The following TNKS variants were observed in gnomAD, a reference collection of about 807,000 sequenced individuals.
The protein encoded by TNKS is poly [ADP-ribose] polymerase tankyrase-1.
A neutral mutation model predicts 135.8 loss-of-function variants in TNKS; 72 were observed. That is an observed-to-expected ratio of 0.53 (90% confidence interval 0.44 to 0.64). TNKS has a LOEUF of 0.64. Ranked by LOEUF, TNKS falls within the 30% of genes least tolerant of loss-of-function variation. TNKS has a pLI of 0.00. For synonymous variants in TNKS, 849 were observed against 649.3 expected, an observed-to-expected ratio of 1.31 and a Z score of -4.68; for missense variants, 1,769 against 1,674.0, an observed-to-expected ratio of 1.06 and a Z score of -0.99.
In TNKS at chr8:9,626,961, A is replaced by G. The variant is rs185429977; in HGVS notation, c.994+11284A>G. Among the ~76,000 whole-genome samples the G allele has an allele frequency of 2.0e-5, 3 of 152,318 alleles. No individual in the cohort carries two copies. In the East Asian group the frequency reaches 5.8e-4, roughly 29 times the overall value. ...TACTGATGCCTGGCAGTCTCCAGGTAGCTTCAGGATGGAGGCTGGTCATTG... is the reference window on the plus strand; with the variant it reads ...TACTGATGCCTGGCAGTCTCCAGGTGGCTTCAGGATGGAGGCTGGTCATTG... On this transcript the variant is annotated intron_variant, in intron 3 of 26. Transcript: ENST00000310430.
intron 11 of TNKS, among the ~76,000 whole-genome samples, chr8:9,717,337 C>A (rs1804664833): frequency 6.6e-6 from 1 of 151,522 alleles, no homozygotes; most frequent in Non-Finnish European, 1.5e-5. Flanking sequence ...ACTATGCATA[C>A]CACCAAGGAT....
chr8:9,573,578 T>C (rs1373396457), intron 1 of TNKS, among the ~76,000 whole-genome samples: 1 of 152,224 alleles, frequency 6.6e-6, no homozygotes, highest in Non-Finnish European at 1.5e-5. Context: ...CATAGATGTA[T>C]ATGAGAGAGT....
At chr8:9,588,790 G>T (rs11787063) in intron 2 of TNKS, among the ~76,000 whole-genome samples, 27,647 of 152,164 alleles carry the variant, frequency 0.18, 3,327 homozygotes, top group Non-Finnish European at 0.27. Flanking sequence ...TGTGTGAAGT[G>T]CTTTCAGACT....
intron 5 of TNKS, among the ~76,000 whole-genome samples, chr8:9,701,562 AG>A (rs1282627946): frequency 1.3e-5 from 2 of 152,238 alleles, no homozygotes; most frequent in Non-Finnish European, 2.9e-5. Flanking sequence ...ATAGAATAAG[AG>A]GGACTAGATT....
At chr8:9,760,950 A>G (rs1039195839) in intron 20 of TNKS, among the ~76,000 whole-genome samples, 13 of 152,240 alleles carry the variant, frequency 8.5e-5, no homozygotes, top group African/African-American at 3.1e-4. Context: ...TCTTTAAAAC[A>G]GTTTGTAATC....
At chr8:9,733,136 T>TA (rs1805525460) in intron 14 of TNKS, 143 bp from the exon 15 acceptor site, 4 of 585,674 alleles carry the variant, frequency 6.8e-6, no homozygotes, top group Non-Finnish European at 1.1e-5. Context: ...AACTATATCT[T>TA]AAAGAACAGA....
At chr8:9,716,696 G>A (rs955378743) in intron 11 of TNKS, among the ~76,000 whole-genome samples, 1 of 151,716 alleles carries the variant, frequency 6.6e-6, no homozygotes, top group Non-Finnish European at 1.5e-5. Context: ...CTGTGTCTCC[G>A]TCGCTCCCTG....
chr8:9,758,188 T>G (rs867203398), intron 20 of TNKS, among the ~76,000 whole-genome samples: 3 of 152,232 alleles, frequency 2.0e-5, no homozygotes, highest in Non-Finnish European at 4.4e-5. Flanking sequence ...TGCTCGGAAC[T>G]GTGCTTGTTA....
At chr8:9,635,450 A>G (rs1375342990) in intron 3 of TNKS, among the ~76,000 whole-genome samples, 1 of 152,188 alleles carries the variant, frequency 6.6e-6, no homozygotes, top group African/African-American at 2.4e-5. Context: ...ACCATTTGCA[A>G]CCATGATAGT....
Position 9,706,831 on chromosome 8 carries a change from C to A in TNKS, c.1290C>A (p.Ala430=), listed in dbSNP as rs1391031839. Residue 430 remains alanine (A), a synonymous_variant, in exon 8 of 27, where the codon GCC becomes GCA. Transcript: ENST00000310430. ...TTCAGCATGGAGCTTGTGTTAATGC[C>A]ATGGATCTCTGGCAGTTTACTCCAC... The part of the protein sequence containing the change: ...LLLKHGACVN[A]MDLWQFTPLH... The A allele has an allele frequency of 6.2e-7, 1 of 1,611,408 alleles. No homozygotes were observed. Among genetic ancestry groups the A allele is most frequent in the Non-Finnish European group, 8.5e-7 (1 of 1,179,236 alleles).
Position 9,765,813 on chromosome 8 carries a change from GGGAC to G in TNKS, c.3553+19_3553+22del, listed in dbSNP as rs1442178237. On this transcript the variant is annotated intron_variant, in intron 24 of 26. Transcript: ENST00000310430. Reference sequence around the variant, plus strand: ...TTGTTTCATGGTAAGCAGCGTGGCAGGGACGGTGGACGTCTCCCTGGGCCTTTGC... The same window carrying G: ...TTGTTTCATGGTAAGCAGCGTGGCAGGGTGGACGTCTCCCTGGGCCTTTGC... 1.2e-6 allele frequency: 2 copies of G among 1,609,106 alleles called. No homozygotes were observed. Among genetic ancestry groups the G allele is most frequent in the Non-Finnish European group, 1.7e-6 (2 of 1,175,874 alleles).
At chr8:9,705,025 A>G (rs1195193093) in intron 6 of TNKS, among the ~76,000 whole-genome samples, 1 of 152,106 alleles carries the variant, frequency 6.6e-6, no homozygotes, top group East Asian at 1.9e-4. Flanking sequence ...GGGTTTTTCA[A>G]CTCTTAAATT....
intron 11 of TNKS, among the ~76,000 whole-genome samples, chr8:9,715,825 C>T (rs1433001125): frequency 6.6e-6 from 1 of 152,084 alleles, no homozygotes; most frequent in African/African-American, 2.4e-5. Context: ...TTATTATCCC[C>T]TGCTTTTTGG....
intron 12 of TNKS, among the ~76,000 whole-genome samples, chr8:9,721,298 T>TTATATATATATAGATATA (rs1804869236): frequency 8.5e-6 from 1 of 118,154 alleles, no homozygotes; most frequent in Non-Finnish European, 1.8e-5. Context: ...AATAAATAAA[T>TTATATATATATAGATATA]TATATATATA....
At chr8:9,727,809 G>A (rs1235263538) in intron 13 of TNKS, among the ~76,000 whole-genome samples, 1 of 152,084 alleles carries the variant, frequency 6.6e-6, no homozygotes, top group Non-Finnish European at 1.5e-5. Context: ...GGCACTTCCA[G>A]GATCACATCC....
intron 9 of TNKS, 82 bp downstream of exon 9, chr8:9,708,574 A>G (rs1804166177): frequency 7.7e-7 from 1 of 1,304,796 alleles, no homozygotes; most frequent in Non-Finnish European, 1.0e-6. Context: ...CAGAAACCTT[A>G]AAGTAACTTT....
intron 2 of TNKS, among the ~76,000 whole-genome samples, chr8:9,582,598 T>A (rs1056871586): frequency 6.6e-6 from 1 of 152,224 alleles, no homozygotes; most frequent in African/African-American, 2.4e-5. Context: ...CCCACCAGTT[T>A]CCAGCTGTGT....
At chr8:9,603,740 T>A (rs1036988604) in intron 2 of TNKS, among the ~76,000 whole-genome samples, 2 of 152,206 alleles carry the variant, frequency 1.3e-5, no homozygotes, top group Non-Finnish European at 2.9e-5. Flanking sequence ...ATGTCACCGC[T>A]CATTCAGTGC....
intron 2 of TNKS, among the ~76,000 whole-genome samples, chr8:9,611,370 T>C (rs190207231): frequency 4.6e-5 from 7 of 152,346 alleles, no homozygotes; most frequent in African/African-American, 1.7e-4. Context: ...ACTTTGTACA[T>C]TGTTGGTGTA....
Sources: allele counts gnomAD v4.1 joint callset (sites outside exome capture counted in the v4.1 genomes callset), GRCh38; gene constraint gnomAD v4.1.1; transcripts MANE v1.5; gene names NCBI Gene and HGNC (gene_info 2026-07-23, HGNC 2026-07-21).